The following PKD1L3 variants were observed in gnomAD, a reference collection of about 807,000 sequenced individuals.
PKD1L3 encodes polycystin 1 like 3, transient receptor potential channel interacting, also known as polycystin-1-like protein 3.
Under a neutral mutation model 184.1 loss-of-function variants are expected in PKD1L3, and 239 were observed. The ratio of observed to expected loss-of-function variants is 1.30; its 90% confidence interval spans 1.17 to 1.45. The LOEUF is 1.45. Among genes scored for constraint, PKD1L3 ranks in the 40% most tolerant of loss-of-function variants. PKD1L3 has a pLI of 0.00. For missense variants in PKD1L3, 2,660 were observed against 2,067.2 expected, an observed-to-expected ratio of 1.29 and a Z score of -5.56; for synonymous variants, 996 against 778.8, an observed-to-expected ratio of 1.28 and a Z score of -4.64.
chr16:71,938,196 C>T (rs903717320), intron 24 of PKD1L3, among the ~76,000 whole-genome samples: 1 of 152,244 alleles, frequency 6.6e-6, no homozygotes, highest in Non-Finnish European at 1.5e-5. Context: ...ATGGCCTCTC[C>T]CCACTCCCAG....
Position 71,963,278 on chromosome 16 carries a change from C to A in PKD1L3, c.2539G>T (p.Ala847Ser). Residue 847 changes from alanine (A) to serine (S), a missense_variant, in exon 16 of 30, where the codon GCT becomes TCT. By Grantham distance (99) the Ala-to-Ser change is moderately conservative (BLOSUM62 1). Transcript: ENST00000620267. ...AGCTCACAGTCTCCGAGGTCCACAG[C>A]CAGCCAGCAATTGCACAGGAAATGC... ...KWHFLCNCWL[A>S]VDLGDCELDR... is the part of the protein sequence containing the mutation. 1 of 1,551,528 alleles carries A rather than the reference C, an allele frequency of 6.4e-7. No homozygotes were observed.
At chr16:71,965,300 A>G (rs1408542313) in intron 15 of PKD1L3, among the ~76,000 whole-genome samples, 5 of 152,126 alleles carry the variant, frequency 3.3e-5, no homozygotes, top group African/African-American at 9.7e-5. Flanking sequence ...GACATTTGTG[A>G]TGTTTTCTGT....
chr16:71,981,488 A>G (rs909196243), intron 7 of PKD1L3, among the ~76,000 whole-genome samples: 1 of 151,196 alleles, frequency 6.6e-6, no homozygotes, highest in Non-Finnish European at 1.5e-5. Context: ...GTGAATAGCA[A>G]ACATAACCTG....
At chr16:71,985,488 G>A (rs1235739691) in intron 5 of PKD1L3, among the ~76,000 whole-genome samples, 1 of 152,148 alleles carries the variant, frequency 6.6e-6, no homozygotes, top group East Asian at 1.9e-4. Flanking sequence ...GCACAATCAT[G>A]GCTCACTGCA....
rs1237925814 is a variant in PKD1L3 at position 71,984,060 on chromosome 16, G to T, written c.942C>A (p.Thr314=). The change falls in exon 6 of 30, where the codon ACC becomes ACA. Residue 314 remains threonine (T), a synonymous_variant. Transcript: ENST00000620267. The part of the protein sequence containing the change: ...CEFLQKLTAL[T]PRFSKPAQVN... ...CCTGAGCTGGCTTAGAAAATCTTGG[G>T]GTTAAGGCTGTTAGTTTCTGGAGGA... 6 of 1,552,156 alleles carry T rather than the reference G, an allele frequency of 3.9e-6. No individual in the cohort carries two copies. Among genetic ancestry groups the T allele is most frequent in the Non-Finnish European group, 4.4e-6 (5 of 1,147,036 alleles).
At chr16:71,939,306 G>A (rs1240799302) in intron 24 of PKD1L3, among the ~76,000 whole-genome samples, 1 of 152,172 alleles carries the variant, frequency 6.6e-6, no homozygotes, top group African/African-American at 2.4e-5. Context: ...CTGTCTCTTG[G>A]CAGGTGTGGG....
chr16:71,977,743 G>A (rs778471896), intron 10 of PKD1L3, among the ~76,000 whole-genome samples: 2 of 151,042 alleles, frequency 1.3e-5, no homozygotes, highest in East Asian at 2.0e-4. Flanking sequence ...TGGGGTTAAG[G>A]ATAAGTACAT....
chr16:71,970,028 G>T lies in PKD1L3; in HGVS notation c.2031C>A (p.Val677=). 1 of 1,551,654 alleles carries T rather than the reference G, an allele frequency of 6.4e-7. No homozygotes were observed. The highest frequency in any genetic ancestry group is 1.2e-5 in the South Asian group (1 of 84,044). Residue 677 remains valine, a synonymous_variant, in exon 13 of 30, where the codon GTC becomes GTA. Coordinates refer to ENST00000620267, the MANE Select transcript of PKD1L3 (RefSeq NM_181536.2). ...CTTCAACATTCACGGTCCTGGGCAC[G>T]ACAAAGAAGTCGCTGGCAAAGAAGG... is the stretch of plus-strand genomic sequence containing the variant. ...HLTFFASDFF[V]VPRTVNVEDT... is the part of the protein sequence containing the mutation.
At chr16:71,947,155 G>T (rs2143308849) in intron 22 of PKD1L3, among the ~76,000 whole-genome samples, 1 of 152,246 alleles carries the variant, frequency 6.6e-6, no homozygotes, top group Middle Eastern at 3.4e-3. Context: ...CTACTCGGAG[G>T]CTGAGACAGG....
In PKD1L3 at chr16:71,999,767, C is replaced by T. The variant is rs543246606; in HGVS notation, c.212G>A (p.Arg71Gln). The T allele has an allele frequency of 6.4e-6, 10 of 1,551,618 alleles. No individual in the cohort carries two copies. The East Asian group carries it at 1.5e-4, about 23-fold the overall frequency. The change falls in exon 1 of 30, where the codon CGG becomes CAG. Residue 71 changes from arginine (R) to glutamine (Q), a missense_variant. Transcript: ENST00000620267. ...IWNKEVQDLI[R>Q]DYLEEGKKWW... ...CTTCTTTCCTTCTTCCAGATAGTCC[C>T]GGATGAGATCTTGAACTTCCTTGTT...
At chr16:71,978,062 C>G (rs914314932) in intron 10 of PKD1L3, among the ~76,000 whole-genome samples, 193 bp downstream of exon 10, 1 of 152,232 alleles carries the variant, frequency 6.6e-6, no homozygotes, top group Non-Finnish European at 1.5e-5. Flanking sequence ...GCATGAGCCA[C>G]TGCGCCCAGC....
intron 1 of PKD1L3, among the ~76,000 whole-genome samples, chr16:71,999,270 CAAAA>C (rs371727093): frequency 9.7e-6 from 1 of 102,570 alleles, no homozygotes. Context: ...GACTCCATCT[CAAAA>C]AAAAAAAAAA....
Position 72,000,203 on chromosome 16 carries a change from C to T in PKD1L3, c.-225G>A, listed in dbSNP as rs988278318. Among the ~76,000 whole-genome samples, 12 of 152,174 alleles carry T rather than the reference C, an allele frequency of 7.9e-5. No individual in the cohort carries two copies. Among genetic ancestry groups the T allele is most frequent in the African/African-American group, 2.9e-4 (12 of 41,434 alleles). ...CAATGGCCCTTTTTATCTGGGGCCC[C>T]ACCATCTGTGTCTACCTACCGAATA... On this transcript the variant is annotated 5_prime_UTR_variant, in exon 1 of 30. Coordinates refer to ENST00000620267, the MANE Select transcript of PKD1L3 (RefSeq NM_181536.2).
intron 16 of PKD1L3, among the ~76,000 whole-genome samples, chr16:71,960,780 G>T (rs1318895673): frequency 2.0e-5 from 3 of 152,058 alleles, no homozygotes; most frequent in Non-Finnish European, 4.4e-5. Flanking sequence ...CTAGAACTTT[G>T]GATGCAATGG....
chr16:71,997,853 T>C (rs2040847953), intron 2 of PKD1L3, among the ~76,000 whole-genome samples: 1 of 152,218 alleles, frequency 6.6e-6, no homozygotes, highest in African/African-American at 2.4e-5. Context: ...GATCTACTTC[T>C]GCAGAGGCGA....
chr16:71,948,346 G>C (rs1156529067), intron 21 of PKD1L3, among the ~76,000 whole-genome samples: 1 of 152,190 alleles, frequency 6.6e-6, no homozygotes, highest in South Asian at 2.1e-4. Flanking sequence ...GCCTCCCAAA[G>C]TGCTGGGTTT....
chr16:71,965,549 G>C (rs1033112132), intron 15 of PKD1L3, among the ~76,000 whole-genome samples: 2 of 147,330 alleles, frequency 1.4e-5, no homozygotes, highest in Non-Finnish European at 3.0e-5. Flanking sequence ...ACTTGGTTTT[G>C]TGAGAATTTT....
At position 71,967,074 on chromosome 16, in the gene PKD1L3, CTTCT is replaced by C. The variant is rs1597335218; in HGVS notation, c.2465+59_2465+62del. 2.3e-5 allele frequency: 33 copies of C among 1,460,672 alleles called. No homozygotes were observed. In the East Asian group the frequency reaches 8.2e-4, roughly 36 times the overall value. 90.5% of individuals were successfully genotyped at this position (1,460,672 alleles called of 1,614,324 possible). ...CTTTACTGTGATTTATTGTGGTGATCTTCTTTCTTCTCTCTTGGATCCACAAAGC... is the reference window on the plus strand; with the variant it reads ...CTTTACTGTGATTTATTGTGGTGATCTTCTTCTCTCTTGGATCCACAAAGC... On this transcript the variant is annotated intron_variant, in intron 15 of 29. Transcript: ENST00000620267.
intron 24 of PKD1L3, among the ~76,000 whole-genome samples, chr16:71,937,761 C>T (rs956763514): frequency 6.6e-6 from 1 of 152,082 alleles, no homozygotes; most frequent in Non-Finnish European, 1.5e-5. Flanking sequence ...TGATACCCCA[C>T]GAGTACTAAC....
Sources: gnomAD v4.1 joint callset for allele counts (sites outside exome capture counted in the v4.1 genomes callset) on GRCh38, gnomAD v4.1.1 for gene constraint, MANE v1.5 for transcripts, NCBI Gene and HGNC (gene_info 2026-07-23, HGNC 2026-07-21) for gene names.